PPP1R9A: variants seen among roughly 807,000 people sequenced by gnomAD.
PPP1R9A encodes the protein neurabin-1.
A neutral mutation model predicts 141.9 loss-of-function variants in PPP1R9A; 59 were observed. The ratio of observed to expected loss-of-function variants is 0.42; its 90% CI spans 0.34 to 0.52. The LOEUF (loss-of-function observed/expected upper bound fraction) is 0.52, where lower values mean the gene tolerates loss of function less well. Ranked by LOEUF, PPP1R9A falls within the 20% of genes least tolerant of loss-of-function variation. PPP1R9A has a pLI of 0.10. For missense variants in PPP1R9A, 1,444 were observed against 1,611.9 expected, an observed-to-expected ratio of 0.90 and a Z score of 1.78; for synonymous variants, 500 against 569.7, an observed-to-expected ratio of 0.88 and a Z score of 1.74.
At chr7:94,928,333 TG>T (rs1793736101) in intron 2 of PPP1R9A, among the ~76,000 whole-genome samples, 1 of 152,118 alleles carries the variant, frequency 6.6e-6, no homozygotes, top group Admixed American at 6.6e-5. Context: ...ATGCAAACTA[TG>T]GGGAGTCATT....
intron 2 of PPP1R9A, among the ~76,000 whole-genome samples, chr7:94,992,922 G>A (rs1463174873): frequency 6.6e-6 from 1 of 151,806 alleles, no homozygotes; most frequent in African/African-American, 2.4e-5. Flanking sequence ...TTCTTTCATG[G>A]ATCATCTTTT....
chr7:95,019,634 C>T (rs192109396), intron 2 of PPP1R9A, among the ~76,000 whole-genome samples: 68 of 152,034 alleles, frequency 4.5e-4, no homozygotes, highest in African/African-American at 1.3e-3. Flanking sequence ...CATGAATAAT[C>T]GATAAACCAT....
chr7:95,236,154 A>C (rs1013018674), intron 8 of PPP1R9A, among the ~76,000 whole-genome samples: 1 of 152,182 alleles, frequency 6.6e-6, no homozygotes, highest in Non-Finnish European at 1.5e-5. Flanking sequence ...CAACAAAAAA[A>C]TTTTAACTGC....
intron 2 of PPP1R9A, among the ~76,000 whole-genome samples, chr7:95,037,570 C>A (rs1184687687): frequency 2.0e-5 from 3 of 152,144 alleles, no homozygotes; most frequent in Non-Finnish European, 4.4e-5. Flanking sequence ...ACTCTAAATA[C>A]CAGGTTTGCA....
chr7:95,109,010 C>T (rs922207939), intron 2 of PPP1R9A: 13 of 152,026 alleles, frequency 8.6e-5, no homozygotes, highest in Admixed American at 5.9e-4. Flanking sequence ...CAGTGATTTC[C>T]GGGACGCATG....
At chr7:95,100,442 G>A (rs1242823779) in intron 2 of PPP1R9A, among the ~76,000 whole-genome samples, 1 of 152,190 alleles carries the variant, frequency 6.6e-6, no homozygotes, top group Non-Finnish European at 1.5e-5. Context: ...ATACTATGGA[G>A]ATATGAATTG....
chr7:95,053,264 T>C (rs996901832), intron 2 of PPP1R9A, among the ~76,000 whole-genome samples: 8 of 152,160 alleles, frequency 5.3e-5, no homozygotes. Context: ...TCTGAAGGAA[T>C]GTAATAGAAA....
chr7:95,142,268 A>C (rs1826837166), intron 4 of PPP1R9A, among the ~76,000 whole-genome samples: 1 of 152,148 alleles, frequency 6.6e-6, no homozygotes, highest in African/African-American at 2.4e-5. Context: ...TATCAGATAC[A>C]TAATATGTAA....
chr7:95,130,254 T>G (rs1824342235), intron 4 of PPP1R9A, among the ~76,000 whole-genome samples: 1 of 152,152 alleles, frequency 6.6e-6, no homozygotes, highest in African/African-American at 2.4e-5. Context: ...CAGCCTTGGC[T>G]GAAAGGGGCC....
intron 2 of PPP1R9A, among the ~76,000 whole-genome samples, chr7:95,083,400 G>A (rs527618409): frequency 1.3e-5 from 2 of 152,002 alleles, no homozygotes; most frequent in African/African-American, 2.4e-5. Flanking sequence ...GGAGGGAGAA[G>A]GTTACACAGT....
chr7:94,910,080 T>C lies in PPP1R9A; in HGVS notation c.-34T>C. 6.4e-7 allele frequency: 1 copy of C among 1,563,996 alleles called. No homozygotes were observed. Among genetic ancestry groups the C allele is most frequent in the Admixed American group, 2.0e-5 (1 of 50,560 alleles). ...GGTTTTTGGTTTTTTTCTTTGATCA[T>C]TATGAACATTGGCTTTTCACCCCTG... On this transcript the variant is annotated 5_prime_UTR_variant, in exon 2 of 20. Transcript: ENST00000433360. This position sits in a 1 kb window ranked among gnomAD's most constrained non-coding sequence, Gnocchi z 4.5.
chr7:95,045,978 T>G (rs1809949980), intron 2 of PPP1R9A, among the ~76,000 whole-genome samples: 1 of 152,224 alleles, frequency 6.6e-6, no homozygotes, highest in African/African-American at 2.4e-5. Context: ...AAGAAGGCTG[T>G]ATAATTATCA....
chr7:95,220,742 A>G (rs1301813351), intron 7 of PPP1R9A, among the ~76,000 whole-genome samples: 2 of 152,148 alleles, frequency 1.3e-5, no homozygotes, highest in African/African-American at 2.4e-5. Context: ...GAAGGCAGAT[A>G]TAGAAACATC....
intron 8 of PPP1R9A, among the ~76,000 whole-genome samples, 176 bp from the exon 9 acceptor site, chr7:95,247,293 TTTAA>T (rs1414060012): frequency 6.6e-6 from 1 of 152,218 alleles, no homozygotes; most frequent in African/African-American, 2.4e-5. Flanking sequence ...ATAAACTGTG[TTTAA>T]TTAGTTTGCA....
rs537295951 is a variant in PPP1R9A at position 94,999,894 on chromosome 7, C to T, written c.1395+88386C>T. Among the ~76,000 whole-genome samples the T allele has an allele frequency of 2.0e-5, 3 of 151,832 alleles. No individual in the cohort carries two copies. In the East Asian group the frequency reaches 5.8e-4, roughly 29 times the overall value. On this transcript the variant is annotated intron_variant, in intron 2 of 19. Coordinates refer to ENST00000433360, the MANE Select transcript of PPP1R9A (RefSeq NM_001166160.2). ...TTAGCTCTTGGCAACCTCGGACTGCCGGGTTCAAGCGATTCTTGTGCCTCA... is the reference window on the plus strand; with the variant it reads ...TTAGCTCTTGGCAACCTCGGACTGCTGGGTTCAAGCGATTCTTGTGCCTCA...
At chr7:95,037,705 G>GCGCGTGTGTGTGTGCGTGCA (rs1405093534) in intron 2 of PPP1R9A, among the ~76,000 whole-genome samples, 7 of 151,936 alleles carry the variant, frequency 4.6e-5, no homozygotes, top group South Asian at 2.1e-4. Flanking sequence ...GTGTGCGTGC[G>GCGCGTGTGTGTGTGCGTGCA]CGCGTGTGTG....
chr7:95,193,652 T>G (rs901698322), intron 5 of PPP1R9A, among the ~76,000 whole-genome samples: 17 of 152,056 alleles, frequency 1.1e-4, no homozygotes, highest in Non-Finnish European at 1.8e-4. Context: ...ATATTTGAGT[T>G]TTGATTTATT....
intron 2 of PPP1R9A, among the ~76,000 whole-genome samples, chr7:95,069,963 T>G (rs1813529382): frequency 6.6e-6 from 1 of 152,202 alleles, no homozygotes; most frequent in African/African-American, 2.4e-5. Context: ...AACTGATCTC[T>G]TCTTACTCTT....
At chr7:95,151,023 G>A (rs1195996977) in intron 4 of PPP1R9A, among the ~76,000 whole-genome samples, 1 of 152,194 alleles carries the variant, frequency 6.6e-6, no homozygotes, top group Non-Finnish European at 1.5e-5. Context: ...TGCTGACAAG[G>A]ATGTAGAGCA....
Sources: allele counts gnomAD v4.1 joint callset (sites outside exome capture counted in the v4.1 genomes callset), GRCh38; gene constraint gnomAD v4.1.1; non-coding constraint Gnocchi (gnomAD v3.1); transcripts MANE v1.5; gene names NCBI Gene and HGNC (gene_info 2026-07-23, HGNC 2026-07-21).